RIN2: variants seen among roughly 807,000 people sequenced by gnomAD.
RIN2 encodes RAB5 interacting protein 2.
Under a neutral mutation model 78.0 loss-of-function variants are expected in RIN2, and 36 were observed. The ratio of observed to expected loss-of-function variants is 0.46; its 90% CI spans 0.35 to 0.61. The LOEUF (loss-of-function observed/expected upper bound fraction) is 0.61. Among genes scored for constraint, RIN2 ranks in the 20% least tolerant of loss-of-function variants. RIN2 has a pLI of 0.00. For missense variants in RIN2, 1,087 were observed against 1,159.7 expected (o/e 0.94, Z 0.91); for synonymous variants, 466 against 466.8 (o/e 1.00, Z 0.02).
Position 19,801,834 on chromosome 20 carries a change from T to G in RIN2, c.-37+2087T>G, listed in dbSNP as rs546080567. ...ATGACAGAGTAAGGAAGTGCATAGT[T>G]CCAGGTATAAATACTGAAGTCTTAT... On this transcript the variant is annotated intron_variant, in intron 2 of 12. Transcript: ENST00000255006. Among the ~76,000 whole-genome samples the G allele has an allele frequency of 4.2e-4, 64 of 152,338 alleles. 2 individuals carry two copies. In the South Asian group the frequency reaches 0.013, roughly 32 times the overall value.
At chr20:19,863,293 A>C (rs1398659379) in intron 2 of RIN2, among the ~76,000 whole-genome samples, 1 of 152,144 alleles carries the variant, frequency 6.6e-6, no homozygotes, top group Non-Finnish European at 1.5e-5. Context: ...TTAAGGGCTC[A>C]CCTGTCATAG....
chr20:19,831,623 CCGT>C (rs1600561345), intron 2 of RIN2, among the ~76,000 whole-genome samples: 2 of 152,108 alleles, frequency 1.3e-5, no homozygotes, highest in East Asian at 1.9e-4. Flanking sequence ...AAAGTTAAGC[CCGT>C]CAAGTACTTG....
At chr20:19,758,868 T>A (rs2033500892) in intron 1 of RIN2, among the ~76,000 whole-genome samples, 1 of 152,196 alleles carries the variant, frequency 6.6e-6, no homozygotes, top group Non-Finnish European at 1.5e-5. Context: ...GCAGGGCAGA[T>A]GCTCCGACCG....
chr20:19,846,404 T>C (rs1283886055), intron 2 of RIN2, among the ~76,000 whole-genome samples: 1 of 152,026 alleles, frequency 6.6e-6, no homozygotes, highest in Non-Finnish European at 1.5e-5. Flanking sequence ...TCTTATTTCC[T>C]TGAGTAGTGG....
intron 1 of RIN2, among the ~76,000 whole-genome samples, chr20:19,788,439 A>AAAAAAAAAAAAAAAAAAAAAACC (rs1555818733): frequency 2.3e-4 from 31 of 133,028 alleles, no homozygotes; most frequent in African/African-American, 7.2e-4. Context: ...TGCCAAAAAA[A>AAAAAAAAAAAAAAAAAAAAAACC]AAAAAAAAAA....
intron 6 of RIN2, among the ~76,000 whole-genome samples, chr20:19,964,361 G>T (rs990611750): frequency 6.6e-6 from 1 of 151,882 alleles, no homozygotes; most frequent in Non-Finnish European, 1.5e-5. Context: ...CTCCCTCCTC[G>T]GCCTCCCAAA....
chr20:19,960,037 A>G (rs2041685951), intron 5 of RIN2, among the ~76,000 whole-genome samples: 1 of 152,216 alleles, frequency 6.6e-6, no homozygotes. Flanking sequence ...GAATAAATGG[A>G]CAGCCTCCAT....
chr20:19,776,211 C>T (rs2034304444), intron 1 of RIN2, among the ~76,000 whole-genome samples: 1 of 152,208 alleles, frequency 6.6e-6, no homozygotes, highest in Non-Finnish European at 1.5e-5. Context: ...TTATACCCTC[C>T]TCCCTTTGGG....
chr20:19,874,158 A>G (rs2037785109), intron 2 of RIN2, among the ~76,000 whole-genome samples: 1 of 152,238 alleles, frequency 6.6e-6, no homozygotes, highest in East Asian at 1.9e-4. Context: ...TAAGGGCAAG[A>G]AGGCTGTGAT....
At chr20:19,872,940 C>T (rs955994162) in intron 2 of RIN2, among the ~76,000 whole-genome samples, 1 of 151,940 alleles carries the variant, frequency 6.6e-6, no homozygotes, top group Non-Finnish European at 1.5e-5. Context: ...GTACTCTCTA[C>T]ATATATTTAA....
intron 8 of RIN2, 117 bp from the exon 9 acceptor site, chr20:19,974,537 C>A: frequency 4.9e-6 from 5 of 1,015,042 alleles, no homozygotes; most frequent in Non-Finnish European, 7.2e-6. Flanking sequence ...TACAACGCAC[C>A]CCCTACCCCA....
At position 19,996,798 on chromosome 20, in the gene RIN2, C is replaced by G; in HGVS notation, c.2320C>G (p.Arg774Gly). Residue 774 changes from arginine (R) to glycine (G), a missense_variant, in exon 12 of 13, where the codon CGG becomes GGG. This residue lies in a region of RIN2 where 160 missense variants were observed against 179.4 expected (regional missense o/e 0.89). Transcript: ENST00000255006. ...AGACACCCTGAGGCAGTGGCACAAA[C>G]GGAGAACCACCAACCGGACCATCCC... ...TRDTLRQWHK[R>G]RTTNRTIPSV... The G allele has an allele frequency of 6.2e-7, 1 of 1,609,082 alleles. No individual in the cohort carries two copies. The highest frequency in any genetic ancestry group is 1.1e-5 in the South Asian group (1 of 90,256).
intron 2 of RIN2, among the ~76,000 whole-genome samples, chr20:19,881,834 A>G (rs188975203): frequency 2.4e-3 from 360 of 152,368 alleles, no homozygotes; most frequent in Non-Finnish European, 4.3e-3. Flanking sequence ...AAACAAAACA[A>G]AAAACATTGT....
At chr20:19,948,662 T>TA (rs1472321456) in intron 4 of RIN2, among the ~76,000 whole-genome samples, 4 of 151,998 alleles carry the variant, frequency 2.6e-5, no homozygotes, top group African/African-American at 7.3e-5. Flanking sequence ...CTTTTGTTCT[T>TA]AAAAAAAATC....
chr20:19,834,944 GA>G (rs2036362885), intron 2 of RIN2, among the ~76,000 whole-genome samples: 1 of 74,450 alleles, frequency 1.3e-5, no homozygotes, highest in African/African-American at 3.9e-5. Flanking sequence ...ACCCTGTGAA[GA>G]AAAGAGAGAG....
At chr20:19,954,293 A>G (rs1568656239) in intron 4 of RIN2, among the ~76,000 whole-genome samples, 2 of 152,192 alleles carry the variant, frequency 1.3e-5, no homozygotes, top group African/African-American at 2.4e-5. Flanking sequence ...TACATTATCT[A>G]GTTCACACAG....
intron 1 of RIN2, among the ~76,000 whole-genome samples, chr20:19,773,493 T>C (rs1046181415): frequency 3.3e-5 from 5 of 152,200 alleles, no homozygotes; most frequent in African/African-American, 1.2e-4. Flanking sequence ...GTTGCCTCCA[T>C]CTTGTCTTGT....
intron 3 of RIN2, among the ~76,000 whole-genome samples, chr20:19,911,421 T>C (rs1352364118): frequency 6.6e-6 from 1 of 152,216 alleles, no homozygotes; most frequent in Non-Finnish European, 1.5e-5. Context: ...TAGTCTGTTT[T>C]CTGAACCATC....
chr20:19,774,563 G>A (rs1222896645), intron 1 of RIN2, among the ~76,000 whole-genome samples: 1 of 152,186 alleles, frequency 6.6e-6, no homozygotes, highest in Non-Finnish European at 1.5e-5. Flanking sequence ...AAAATGCCTT[G>A]AGAAAATTAT....
Sources: allele counts gnomAD v4.1 joint callset (sites outside exome capture counted in the v4.1 genomes callset), GRCh38; gene constraint gnomAD v4.1.1; regional missense constraint gnomAD v4.1.1; transcripts MANE v1.5; gene names NCBI Gene and HGNC (gene_info 2026-07-23, HGNC 2026-07-21).